The following NEURL1B variants were observed in gnomAD, a reference collection of about 807,000 sequenced individuals.
The protein encoded by NEURL1B is E3 ubiquitin-protein ligase NEURL1B.
Under a neutral mutation model 37.4 loss-of-function variants are expected in NEURL1B, and 13 were observed. That is an observed-to-expected ratio of 0.35 (90% CI 0.23 to 0.55). The LOEUF (loss-of-function observed/expected upper bound fraction) is 0.55. NEURL1B is among the 20% of genes least tolerant of loss of function. The pLI, the probability that NEURL1B is intolerant of heterozygous loss-of-function variation, is 0.89. For synonymous variants in NEURL1B, 432 were observed against 426.6 expected (o/e 1.01, Z -0.16); for missense variants, 790 against 879.2 (o/e 0.90, Z 1.28).
At position 172,683,747 on chromosome 5, in the gene NEURL1B, G is replaced by C. The variant is rs1349411274; in HGVS notation, c.906G>C (p.Pro302=). 2 of 1,321,578 alleles carry C rather than the reference G, an allele frequency of 1.5e-6. No individual in the cohort carries two copies. The highest frequency in any genetic ancestry group is 3.3e-5 in the South Asian group (2 of 60,094). The allele number at this position is 1,321,578 out of a possible 1,614,324, so 81.9% of individuals were successfully genotyped here. ...CCGACCGCAAAGTGGCCTGCGCACC[G>C]CGGCCCGACGGCGGCCGCACGCTGG... The part of the protein sequence containing the change: ...LSADRKVACA[P]RPDGGRTLVF... The change falls in exon 3 of 5, where the codon CCG becomes CCC. Residue 302 remains proline (P), a synonymous_variant. Transcript: ENST00000369800. This position sits in a 1 kb window ranked among gnomAD's most constrained non-coding sequence, Gnocchi z 5.6.
intron 1 of NEURL1B, among the ~76,000 whole-genome samples, chr5:172,651,213 A>C (rs901205031): frequency 6.6e-6 from 1 of 152,114 alleles, no homozygotes; most frequent in African/African-American, 2.4e-5. Flanking sequence ...GTCTTGGCTT[A>C]GTTGTTCTGC....
intron 1 of NEURL1B, among the ~76,000 whole-genome samples, chr5:172,653,816 T>G (rs1227959668): frequency 1.3e-5 from 2 of 152,230 alleles, no homozygotes; most frequent in African/African-American, 4.8e-5. Flanking sequence ...TTATACAACA[T>G]TTCTTGCGTA....
rs972511302 is a variant in NEURL1B, at chr5:172,684,073, C to T, written c.1232C>T (p.Thr411Ile). Residue 411 changes from threonine (T) to isoleucine (I), a missense_variant, in exon 3 of 5, where the codon ACC becomes ATC. By Grantham distance (89) the Thr-to-Ile change is moderately conservative. Coordinates refer to ENST00000369800, the MANE Select transcript of NEURL1B (RefSeq NM_001142651.3). The stretch of plus-strand genomic sequence containing the variant: ...CGCGGCCGCCTGCTGTGCGTCGACA[C>T]CACGCAGGCGCTCTGGGCCTTCTTC... Reference protein sequence around the residue: ...RPRGRLLCVDTTQALWAFFAV... With the variant: ...RPRGRLLCVDITQALWAFFAV... 4 of 1,319,148 alleles carry T rather than the reference C, an allele frequency of 3.0e-6. No individual in the cohort carries two copies. Among genetic ancestry groups the T allele is most frequent in the Non-Finnish European group, 3.9e-6 (4 of 1,033,978 alleles). 81.7% of individuals were successfully genotyped at this position (1,319,148 alleles called of 1,614,324 possible). A position where few individuals can be genotyped will look rare whatever the true frequency, so the allele number is the denominator to read the frequency against.
At chr5:172,685,144 G>A (rs929401531) in intron 3 of NEURL1B, among the ~76,000 whole-genome samples, 1 of 152,222 alleles carries the variant, frequency 6.6e-6, no homozygotes, top group Non-Finnish European at 1.5e-5. Context: ...TCTGTAGAAA[G>A]AGAGTGATAC....
At chr5:172,674,507 C>T (rs572610501) in intron 2 of NEURL1B, among the ~76,000 whole-genome samples, 3 of 152,198 alleles carry the variant, frequency 2.0e-5, no homozygotes, top group South Asian at 2.1e-4. Flanking sequence ...AAGACTGCTG[C>T]GGCAGTATTT....
chr5:172,656,775 A>C (rs1757787825), intron 1 of NEURL1B: 1 of 708,874 alleles, frequency 1.4e-6, no homozygotes, highest in South Asian at 1.6e-5. Context: ...AATTGAACAC[A>C]CTGACATATT....
At chr5:172,663,431 G>C (rs1387355132) in intron 1 of NEURL1B, among the ~76,000 whole-genome samples, 1 of 149,582 alleles carries the variant, frequency 6.7e-6, no homozygotes, top group Non-Finnish European at 1.5e-5. Context: ...TGAGGCAGGA[G>C]AATCGCTCGA....
intron 2 of NEURL1B, among the ~76,000 whole-genome samples, chr5:172,673,814 C>A (rs879084215): frequency 5.7e-3 from 713 of 124,068 alleles, no homozygotes; most frequent in Middle Eastern, 8.1e-3. Context: ...CGTACTTATG[C>A]AAAAAAAAAA....
rs928656787 is a variant in NEURL1B, at chr5:172,691,168, G to C, written c.*4243G>C. ...GCAACTTTTAAAAGTGGATGGGGAG[G>C]GGGGCTAGCATACGTGGTAGGGTTC... On this transcript the variant is annotated 3_prime_UTR_variant, in exon 5 of 5. Coordinates refer to ENST00000369800, the MANE Select transcript of NEURL1B (RefSeq NM_001142651.3). The C allele has an allele frequency of 6.6e-6, 1 of 152,190 alleles. No individual in the cohort carries two copies. Among genetic ancestry groups the C allele is most frequent in the Non-Finnish European group, 1.5e-5 (1 of 68,044 alleles). 9.4% of individuals were successfully genotyped at this position (152,190 alleles called of 1,614,324 possible).
rs1442899424 is a variant in NEURL1B, at chr5:172,686,845, C to T, written c.1588C>T (p.Arg530Trp). The T allele has an allele frequency of 3.2e-6, 5 of 1,550,976 alleles. No individual in the cohort carries two copies. The highest frequency in any genetic ancestry group is 2.4e-5 in the South Asian group (2 of 84,066). The change falls in exon 5 of 5, where the codon CGG (arginine) becomes TGG (tryptophan). Residue 530 changes from arginine to tryptophan, a missense_variant. Physicochemically the swap from Arg to Trp is moderately radical, Grantham distance 101. Coordinates refer to ENST00000369800, the MANE Select transcript of NEURL1B (RefSeq NM_001142651.3). The surrounding 1 kb of genome is among the most constrained non-coding windows in gnomAD (Gnocchi z 7.9). ...GTGCCTGTGCCACAGCTGCGGCCTG[C>T]GGCTCAAGCGACAGGCCCGGGCCTG... Reference protein sequence around the residue: ...HMCLCHSCGLRLKRQARACCP... With the variant: ...HMCLCHSCGLWLKRQARACCP...
At chr5:172,660,949 G>A (rs1561644757) in intron 1 of NEURL1B, among the ~76,000 whole-genome samples, 1 of 152,120 alleles carries the variant, frequency 6.6e-6, no homozygotes, top group African/African-American at 2.4e-5. Context: ...TTTTTTTCCA[G>A]CCCACTTTTA....
At chr5:172,649,932 C>G (rs1487286590) in intron 1 of NEURL1B, among the ~76,000 whole-genome samples, 2 of 152,096 alleles carry the variant, frequency 1.3e-5, no homozygotes, top group Non-Finnish European at 2.9e-5. Context: ...GACTCAGGGC[C>G]ACCCAGAGCT....
chr5:172,653,543 C>G (rs1561642299), intron 1 of NEURL1B, among the ~76,000 whole-genome samples: 1 of 152,098 alleles, frequency 6.6e-6, no homozygotes, highest in Non-Finnish European at 1.5e-5. Flanking sequence ...ATTTTAATGT[C>G]CAGTTCACAG....
At position 172,683,350 on chromosome 5, in the gene NEURL1B, G is replaced by A. The variant is rs1247293959; in HGVS notation, c.578-69G>A. 3 of 1,261,910 alleles carry A rather than the reference G, an allele frequency of 2.4e-6. No homozygotes were observed. Among genetic ancestry groups the A allele is most frequent in the East Asian group, 3.2e-5 (1 of 31,208 alleles). The allele number at this position is 1,261,910 out of a possible 1,614,324, so 78.2% of individuals were successfully genotyped here. ...TGGAGGCCTGCAGGAGGCAGCGGGCGAGGAGGGGCTCGCGACCAGCCTGAC... is the reference window on the plus strand; with the variant it reads ...TGGAGGCCTGCAGGAGGCAGCGGGCAAGGAGGGGCTCGCGACCAGCCTGAC... On this transcript the variant is annotated intron_variant, in intron 2 of 4. Transcript: ENST00000369800. The surrounding 1 kb of genome is among the most constrained non-coding windows in gnomAD (Gnocchi z 5.6).
At chr5:172,667,473 C>A (rs1442314391) in intron 1 of NEURL1B, among the ~76,000 whole-genome samples, 1 of 151,490 alleles carries the variant, frequency 6.6e-6, no homozygotes, top group African/African-American at 2.4e-5. Flanking sequence ...ATCCAAAAGG[C>A]CTTTTTCAAT....
At chr5:172,660,246 G>C (rs376763897) in intron 1 of NEURL1B, among the ~76,000 whole-genome samples, 3 of 152,224 alleles carry the variant, frequency 2.0e-5, no homozygotes, top group African/African-American at 7.2e-5. Context: ...GCCCGGCAGA[G>C]GGTCGGAGTC....
intron 1 of NEURL1B, among the ~76,000 whole-genome samples, chr5:172,660,071 G>C (rs781521578): frequency 6.6e-6 from 1 of 152,106 alleles, no homozygotes; most frequent in Non-Finnish European, 1.5e-5. Context: ...GCCCAGAGCA[G>C]ATGCTCTGTA....
rs561978181 is a variant in NEURL1B at position 172,647,412 on chromosome 5, G to T, written c.31+5975G>T. On this transcript the variant is annotated intron_variant, in intron 1 of 4. Coordinates refer to ENST00000369800, the MANE Select transcript of NEURL1B (RefSeq NM_001142651.3). This position sits in a 1 kb window ranked among gnomAD's most constrained non-coding sequence, Gnocchi z 4.2. ...TGCGAGGCAGTCTTCTCATGTCACAGAAGGGGAAACTGAGGCTCAGAGGGG... is the reference window on the plus strand; with the variant it reads ...TGCGAGGCAGTCTTCTCATGTCACATAAGGGGAAACTGAGGCTCAGAGGGG... 4.4e-4 allele frequency among the ~76,000 whole-genome samples: 67 copies of T among 152,250 alleles called. No homozygotes were observed. The highest frequency in any genetic ancestry group is 1.5e-3 in the African/African-American group (62 of 41,546).
intron 1 of NEURL1B, among the ~76,000 whole-genome samples, chr5:172,643,207 C>T (rs1757500578): frequency 6.6e-6 from 1 of 152,202 alleles, no homozygotes; most frequent in Non-Finnish European, 1.5e-5. Context: ...TCAGACTCTT[C>T]TCTGGGGATT....
Sources: gnomAD v4.1 joint callset for allele counts (sites outside exome capture counted in the v4.1 genomes callset) on GRCh38, gnomAD v4.1.1 for gene constraint, Gnocchi (gnomAD v3.1) non-coding constraint, MANE v1.5 for transcripts, NCBI Gene and HGNC (gene_info 2026-07-23, HGNC 2026-07-21) for gene names.